NDST4: variants seen among roughly 807,000 people sequenced by gnomAD.
The protein encoded by NDST4 is N-deacetylase and N-sulfotransferase 4.
NDST4 carries 63 observed loss-of-function variants against 100.8 expected under a neutral mutation model. The observed-to-expected ratio is 0.62, with a 90% CI of 0.51 to 0.77. The LOEUF is 0.77. Ranked by LOEUF, NDST4 falls within the 30% of genes least tolerant of loss-of-function variation. The pLI, the probability that NDST4 is intolerant of heterozygous loss-of-function variation, is 0.00. For missense variants in NDST4, 943 were observed against 1,018.4 expected, an observed-to-expected ratio of 0.93 and a Z score of 1.01; for synonymous variants, 377 against 361.8, an observed-to-expected ratio of 1.04 and a Z score of -0.48.
intron 1 of NDST4, among the ~76,000 whole-genome samples, chr4:115,082,717 A>T (rs1252998325): frequency 1.3e-5 from 2 of 152,208 alleles, no homozygotes; most frequent in Non-Finnish European, 2.9e-5. Context: ...AAAATTTAGA[A>T]GGTTTAAGAA....
intron 2 of NDST4, among the ~76,000 whole-genome samples, chr4:115,033,028 G>A (rs1728147376): frequency 6.7e-6 from 1 of 149,624 alleles, no homozygotes; most frequent in Admixed American, 6.7e-5. Context: ...TTTTATTTTT[G>A]TCTGATTACT....
chr4:115,009,781 A>G (rs1333684427), intron 2 of NDST4, among the ~76,000 whole-genome samples: 12 of 82,986 alleles, frequency 1.4e-4, no homozygotes, highest in Non-Finnish European at 1.6e-4. Flanking sequence ...TTCACAACCT[A>G]CTCATCTGAC....
At chr4:114,844,603 C>T (rs78499966) in intron 10 of NDST4, among the ~76,000 whole-genome samples, 1 of 152,270 alleles carries the variant, frequency 6.6e-6, no homozygotes, top group Admixed American at 6.5e-5. Flanking sequence ...TTCAGAGAAC[C>T]TTTACATACT....
chr4:114,951,002 G>A (rs952606442), intron 4 of NDST4, among the ~76,000 whole-genome samples: 2 of 151,964 alleles, frequency 1.3e-5, no homozygotes, highest in South Asian at 2.1e-4. Context: ...CATATTCATC[G>A]TCTGTTGAGG....
chr4:114,992,122 C>T (rs748911966), intron 2 of NDST4, among the ~76,000 whole-genome samples: 26 of 151,828 alleles, frequency 1.7e-4, no homozygotes, highest in Non-Finnish European at 2.4e-4. Context: ...AATATTGGTA[C>T]ATTATTATTA....
At chr4:114,839,967 A>AC (rs1472776228) in intron 10 of NDST4, among the ~76,000 whole-genome samples, 1 of 152,136 alleles carries the variant, frequency 6.6e-6, no homozygotes, top group Non-Finnish European at 1.5e-5. Context: ...CCTAATGAAA[A>AC]ATTTAGATTT....
intron 7 of NDST4, among the ~76,000 whole-genome samples, chr4:114,863,716 A>G (rs887139837): frequency 6.6e-6 from 1 of 152,232 alleles, no homozygotes; most frequent in Non-Finnish European, 1.5e-5. Context: ...GTGAAAGTAC[A>G]TGTAACTCAG....
At chr4:114,959,162 T>C (rs1726204931) in intron 4 of NDST4, among the ~76,000 whole-genome samples, 1 of 152,192 alleles carries the variant, frequency 6.6e-6, no homozygotes, top group African/African-American at 2.4e-5. Flanking sequence ...TTCAGTATTT[T>C]GGTCAAAGCC....
intron 2 of NDST4, among the ~76,000 whole-genome samples, chr4:115,046,906 C>T (rs186890132): frequency 6.6e-6 from 1 of 151,994 alleles, no homozygotes; most frequent in East Asian, 1.9e-4. Context: ...AAATGACTTC[C>T]TTTTCATATA....
chr4:115,063,839 CTT>C (rs556500742), intron 2 of NDST4, among the ~76,000 whole-genome samples: 3 of 147,508 alleles, frequency 2.0e-5, no homozygotes, highest in East Asian at 2.0e-4. Flanking sequence ...CTTCTTAATA[CTT>C]TTTTTTTTTA....
At position 115,031,340 on chromosome 4, in the gene NDST4, G is replaced by T. The variant is rs1430361511; in HGVS notation, c.978+44719C>A. Among the ~76,000 whole-genome samples, 3 of 152,058 alleles carry T rather than the reference G, an allele frequency of 2.0e-5. No homozygotes were observed. The East Asian group carries it at 5.8e-4, about 29-fold the overall frequency. On this transcript the variant is annotated intron_variant, in intron 2 of 13. Transcript: ENST00000264363. ...GTGGGAAAGGAATAATGCCTGGCTTGAGTAAAGGAGATCAATTGCTGAGAT... is the reference window on the plus strand; with the variant it reads ...GTGGGAAAGGAATAATGCCTGGCTTTAGTAAAGGAGATCAATTGCTGAGAT...
chr4:115,096,692 T>C (rs758127809), intron 1 of NDST4, among the ~76,000 whole-genome samples: 4 of 152,080 alleles, frequency 2.6e-5, no homozygotes, highest in African/African-American at 9.7e-5. Flanking sequence ...AGCAATAATA[T>C]TTTCCTTCTC....
At chr4:115,030,449 A>G (rs906266650) in intron 2 of NDST4, among the ~76,000 whole-genome samples, 1 of 152,174 alleles carries the variant, frequency 6.6e-6, no homozygotes, top group African/African-American at 2.4e-5. Context: ...TCTCACCCAC[A>G]CAAAAATGCT....
intron 2 of NDST4, among the ~76,000 whole-genome samples, chr4:115,072,132 A>T (rs75381809): frequency 0.012 from 1,839 of 152,212 alleles, 35 homozygotes; most frequent in African/African-American, 0.041. Flanking sequence ...TCAAAGAGTC[A>T]ACAATCAAAG....
At chr4:114,895,722 G>T (rs1385457770) in intron 6 of NDST4, among the ~76,000 whole-genome samples, 1 of 152,086 alleles carries the variant, frequency 6.6e-6, no homozygotes, top group Non-Finnish European at 1.5e-5. Context: ...GAACATTGAT[G>T]TGAAAATCCT....
At chr4:114,986,119 T>C (rs1726895535) in intron 2 of NDST4, among the ~76,000 whole-genome samples, 1 of 152,190 alleles carries the variant, frequency 6.6e-6, no homozygotes. Context: ...TTAAACATAC[T>C]GGCAAAGAGA....
chr4:114,852,904 A>G, intron 7 of NDST4, 83 bp from the exon 8 acceptor site: 2 of 927,930 alleles, frequency 2.2e-6, no homozygotes, highest in Non-Finnish European at 3.3e-6. Context: ...AGATGGAATC[A>G]AATTCTGGCC....
intron 6 of NDST4, among the ~76,000 whole-genome samples, chr4:114,885,017 C>G (rs912234525): frequency 6.6e-6 from 1 of 152,098 alleles, no homozygotes; most frequent in Admixed American, 6.6e-5. Flanking sequence ...ACCATTTTCC[C>G]TCCTGTCTGC....
intron 4 of NDST4, among the ~76,000 whole-genome samples, chr4:114,945,386 T>C (rs1224873222): frequency 2.0e-5 from 3 of 152,098 alleles, no homozygotes; most frequent in Non-Finnish European, 1.5e-5. Flanking sequence ...TCTATTTTTA[T>C]GACCCTATGT....
Sources: allele counts gnomAD v4.1 joint callset (sites outside exome capture counted in the v4.1 genomes callset), GRCh38; gene constraint gnomAD v4.1.1; transcripts MANE v1.5; gene names NCBI Gene and HGNC (gene_info 2026-07-23, HGNC 2026-07-21).